PPFIA2: variants seen among roughly 807,000 people sequenced by gnomAD.
PPFIA2 encodes the protein liprin-alpha-2.
PPFIA2 carries 46 observed loss-of-function variants against 175.5 expected under a neutral mutation model. The ratio of observed to expected loss-of-function variants is 0.26; its 90% confidence interval spans 0.21 to 0.34. The LOEUF is 0.34. Among genes scored for constraint, PPFIA2 ranks in the 10% least tolerant of loss-of-function variants. The pLI is 1.00. For synonymous variants in PPFIA2, 568 were observed against 511.4 expected, an observed-to-expected ratio of 1.11 and a Z score of -1.49; for missense variants, 1,179 against 1,506.1, an observed-to-expected ratio of 0.78 and a Z score of 3.60.
chr12:81,367,356 T>C lies in PPFIA2; in HGVS notation c.1483-186A>G, dbSNP rs146487582. Among the ~76,000 whole-genome samples the C allele has an allele frequency of 3.7e-3, 566 of 151,748 alleles. 3 individuals carry two copies. Among genetic ancestry groups the C allele is most frequent in the African/African-American group, 0.013 (536 of 41,512 alleles). On this transcript the variant is annotated intron_variant, in intron 13 of 32. Coordinates refer to ENST00000549396, the MANE Select transcript of PPFIA2 (RefSeq NM_003625.5). Reference sequence around the variant, plus strand: ...ATGTGAGACCTTCACATTTAAAAAATACATAATTTAAATGGGAAATGCTAT... The same window carrying C: ...ATGTGAGACCTTCACATTTAAAAAACACATAATTTAAATGGGAAATGCTAT...
intron 21 of PPFIA2, among the ~76,000 whole-genome samples, chr12:81,330,508 G>T (rs1004752025): frequency 1.3e-5 from 2 of 151,918 alleles, no homozygotes; most frequent in South Asian, 4.2e-4. Context: ...TTTTCTTTTA[G>T]AGAGCATCTC....
chr12:81,304,390 G>T (rs748323472), intron 22 of PPFIA2, among the ~76,000 whole-genome samples: 4 of 152,136 alleles, frequency 2.6e-5, no homozygotes, highest in Non-Finnish European at 5.9e-5. Flanking sequence ...TGACCTCAAA[G>T]ACCATACATT....
intron 4 of PPFIA2, among the ~76,000 whole-genome samples, chr12:81,589,817 T>A (rs2058466246): frequency 6.6e-6 from 1 of 152,096 alleles, no homozygotes; most frequent in South Asian, 2.1e-4. Flanking sequence ...GCATTTTTTT[T>A]AAAAGCTACT....
chr12:81,482,697 T>C (rs2058379236), intron 4 of PPFIA2, among the ~76,000 whole-genome samples: 1 of 151,808 alleles, frequency 6.6e-6, no homozygotes, highest in Non-Finnish European at 1.5e-5. Flanking sequence ...TGAGAACACA[T>C]GGACACAGGG....
intron 4 of PPFIA2, among the ~76,000 whole-genome samples, chr12:81,663,636 G>T (rs575157400): frequency 6.6e-6 from 1 of 152,278 alleles, no homozygotes; most frequent in Non-Finnish European, 1.5e-5. Flanking sequence ...TAGATTCAAT[G>T]CCATTCCCAT....
At chr12:81,608,874 T>C (rs564544921) in intron 4 of PPFIA2, among the ~76,000 whole-genome samples, 2 of 151,992 alleles carry the variant, frequency 1.3e-5, no homozygotes, top group Non-Finnish European at 2.9e-5. Context: ...GTCCTTTCAG[T>C]GCAAAGTTAG....
At chr12:81,426,663 CTTAT>C (rs144612518) in intron 7 of PPFIA2, among the ~76,000 whole-genome samples, 25 of 151,756 alleles carry the variant, frequency 1.6e-4, no homozygotes, top group Admixed American at 5.9e-4. Context: ...TTTCATCCAT[CTTAT>C]TTATTTATTT....
chr12:81,471,702 T>C (rs576858997), intron 4 of PPFIA2, among the ~76,000 whole-genome samples: 1 of 152,204 alleles, frequency 6.6e-6, no homozygotes, highest in East Asian at 1.9e-4. Flanking sequence ...TTATTTTTAA[T>C]TTTTTTGTGA....
At chr12:81,308,891 C>A (rs775438606) in intron 22 of PPFIA2, among the ~76,000 whole-genome samples, 25 of 152,074 alleles carry the variant, frequency 1.6e-4, no homozygotes, top group Non-Finnish European at 3.2e-4. Context: ...AATAACCATA[C>A]AAAATAATTC....
intron 22 of PPFIA2, among the ~76,000 whole-genome samples, chr12:81,308,303 A>G (rs1313347715): frequency 6.6e-6 from 1 of 152,220 alleles, no homozygotes; most frequent in East Asian, 1.9e-4. Flanking sequence ...CTTACTACCT[A>G]TGAAGCACTA....
chr12:81,277,182 A>G, intron 28 of PPFIA2, 135 bp downstream of exon 28: 1 of 693,450 alleles, frequency 1.4e-6, no homozygotes, highest in Admixed American at 4.0e-5. Context: ...GAATGGAAAA[A>G]AAACAGTAAC....
intron 18 of PPFIA2, among the ~76,000 whole-genome samples, chr12:81,344,950 A>G (rs1364563390): frequency 2.0e-5 from 3 of 152,168 alleles, no homozygotes; most frequent in African/African-American, 7.2e-5. Flanking sequence ...ACTGGATACG[A>G]GGCATGGACC....
chr12:81,592,430 T>C (rs1331047787), intron 4 of PPFIA2, among the ~76,000 whole-genome samples: 2 of 151,584 alleles, frequency 1.3e-5, no homozygotes, highest in Non-Finnish European at 2.9e-5. Context: ...TGGAAAAATA[T>C]GGTTTGATTC....
At chr12:81,366,585 T>C (rs1044083839) in intron 14 of PPFIA2, among the ~76,000 whole-genome samples, 4 of 151,752 alleles carry the variant, frequency 2.6e-5, no homozygotes, top group African/African-American at 9.7e-5. Context: ...GCATTTGGCA[T>C]CTGCTACCCT....
chr12:81,620,159 C>CA (rs376856927), intron 4 of PPFIA2, among the ~76,000 whole-genome samples: 26,999 of 54,908 alleles, frequency 0.49, 7,140 homozygotes, highest in Non-Finnish European at 0.57. Context: ...CACTCCTTCT[C>CA]AAAAAAAAAA....
At chr12:81,285,097 T>A (rs144998772) in intron 24 of PPFIA2, among the ~76,000 whole-genome samples, 2,136 of 152,256 alleles carry the variant, frequency 0.014, 121 homozygotes, top group Admixed American at 0.1. Context: ...ATTTGCTTTC[T>A]AAATAAAACA....
At chr12:81,670,572 C>T (rs1426427949) in intron 4 of PPFIA2, among the ~76,000 whole-genome samples, 1 of 151,940 alleles carries the variant, frequency 6.6e-6, no homozygotes, top group Non-Finnish European at 1.5e-5. Context: ...CCCATCTCCT[C>T]TATTGGCTAT....
At chr12:81,342,583 T>G (rs780145251) in intron 19 of PPFIA2, among the ~76,000 whole-genome samples, 1 of 152,142 alleles carries the variant, frequency 6.6e-6, no homozygotes, top group Non-Finnish European at 1.5e-5. Flanking sequence ...TCAACTAGCA[T>G]ATTGCCATCA....
chr12:81,665,039 G>A lies in PPFIA2; in HGVS notation c.303+11752C>T, dbSNP rs950509538. On this transcript the variant is annotated intron_variant, in intron 4 of 32. Transcript: ENST00000549396. ...ACATCACACACCGGGGCCTGTTGTC[G>A]GGTGGGGGCAGGGGGGAGGGATAGC... Among the ~76,000 whole-genome samples the A allele has an allele frequency of 5.3e-5, 8 of 151,814 alleles. No individual in the cohort carries two copies. In the South Asian group the frequency reaches 8.3e-4, roughly 16 times the overall value.
Sources: allele counts gnomAD v4.1 joint callset (sites outside exome capture counted in the v4.1 genomes callset), GRCh38; gene constraint gnomAD v4.1.1; transcripts MANE v1.5; gene names NCBI Gene and HGNC (gene_info 2026-07-23, HGNC 2026-07-21).